SRGAP2C: variants seen among roughly 807,000 people sequenced by gnomAD.
SRGAP2C encodes SLIT-ROBO Rho GTPase activating protein 2C.
SRGAP2C carries 15 observed loss-of-function variants against 25.1 expected under a neutral mutation model. The ratio of observed to expected loss-of-function variants is 0.60; its 90% CI spans 0.40 to 0.92. SRGAP2C has a LOEUF of 0.92. Ranked by LOEUF, SRGAP2C falls within the 40% of genes least tolerant of loss-of-function variation. The pLI is 0.00. For missense variants in SRGAP2C, 144 were observed against 264.4 expected (o/e 0.54, Z 3.16); for synonymous variants, 44 against 96.6 (o/e 0.46, Z 3.19).
chr1:121,295,806 G>A (rs1657585859), intron 3 of SRGAP2C, among the ~76,000 whole-genome samples: 1 of 151,996 alleles, frequency 6.6e-6, no homozygotes, highest in South Asian at 2.1e-4. Context: ...TTGTTGCCCA[G>A]GCTGGAGTGC....
intron 3 of SRGAP2C, among the ~76,000 whole-genome samples, chr1:121,308,939 C>CAA (rs1282103321): frequency 6.5e-5 from 2 of 30,658 alleles, no homozygotes; most frequent in Non-Finnish European, 1.4e-4. Flanking sequence ...AACTCTGTCT[C>CAA]AAAAAAAAAA....
At chr1:121,271,199 A>T (rs2101547928) in intron 2 of SRGAP2C, among the ~76,000 whole-genome samples, 1 of 149,476 alleles carries the variant, frequency 6.7e-6, no homozygotes, top group Admixed American at 6.7e-5. Context: ...ATATAACAAC[A>T]TTGCCTTGTG....
At chr1:121,359,988 T>G (rs1188305304) in intron 4 of SRGAP2C, among the ~76,000 whole-genome samples, 17 of 152,100 alleles carry the variant, frequency 1.1e-4, no homozygotes, top group African/African-American at 3.6e-4. Context: ...GGATTGTAAA[T>G]GCACCAATCA....
intron 3 of SRGAP2C, among the ~76,000 whole-genome samples, chr1:121,303,565 T>A (rs1377941141): frequency 1.3e-5 from 2 of 150,578 alleles, no homozygotes; most frequent in South Asian, 4.2e-4. Context: ...AAATGGTATT[T>A]AGAAGCCATG....
At chr1:121,286,110 G>A (rs1404410011) in intron 3 of SRGAP2C, among the ~76,000 whole-genome samples, 2 of 152,012 alleles carry the variant, frequency 1.3e-5, no homozygotes, top group Admixed American at 1.3e-4. Context: ...GGACAAGCTT[G>A]GTCTACAGTT....
intron 2 of SRGAP2C, among the ~76,000 whole-genome samples, chr1:121,238,232 C>G (rs1553329053): frequency 6.7e-6 from 1 of 149,870 alleles, no homozygotes; most frequent in African/African-American, 2.5e-5. Flanking sequence ...TAGCCCCCAC[C>G]CAAGTTGCTT....
rs587644786 is a variant in SRGAP2C, at chr1:121,185,045, G to C, written c.-622G>C. 4 of 511,526 alleles carry C rather than the reference G, an allele frequency of 7.8e-6. 1 individual carries two copies. The African/African-American group carries it at 8.6e-5, about 11-fold the overall frequency. 31.7% of individuals were successfully genotyped at this position (511,526 alleles called of 1,614,324 possible). Reference sequence around the variant, plus strand: ...CTGGGGCACCGATCTGCGTAGAAACGGGTGGCGGGGAAGAGAGGGGAGGAG... The same window carrying C: ...CTGGGGCACCGATCTGCGTAGAAACCGGTGGCGGGGAAGAGAGGGGAGGAG... On this transcript the variant is annotated 5_prime_UTR_variant, in exon 1 of 10. Transcript: ENST00000367123.
chr1:121,222,806 T>A (rs1463243307), intron 2 of SRGAP2C, among the ~76,000 whole-genome samples: 1 of 152,010 alleles, frequency 6.6e-6, no homozygotes, highest in African/African-American at 2.4e-5. Context: ...TTTCTACCTC[T>A]GCTGGTTATA....
chr1:121,230,889 C>A (rs1371050925), intron 2 of SRGAP2C, among the ~76,000 whole-genome samples: 5 of 150,930 alleles, frequency 3.3e-5, no homozygotes, highest in Non-Finnish European at 7.4e-5. Flanking sequence ...TTTGCAGGGA[C>A]ATGGATGAAG....
chr1:121,306,854 A>G (rs1657852692), intron 3 of SRGAP2C, among the ~76,000 whole-genome samples: 1 of 152,174 alleles, frequency 6.6e-6, no homozygotes. Context: ...ATTTTATACT[A>G]CAAGCTGGAA....
In SRGAP2C at chr1:121,293,149, G is replaced by A. The variant is rs1553337882; in HGVS notation, c.260+8154G>A. Among the ~76,000 whole-genome samples, 186 of 130,206 alleles carry A rather than the reference G, an allele frequency of 1.4e-3. 4 individuals carry two copies. The highest frequency in any genetic ancestry group is 3.1e-3 in the African/African-American group (100 of 32,692). The allele number at this position is 130,206 out of a possible 152,430, so 85.4% of individuals were successfully genotyped here. A position where few individuals can be genotyped will look rare whatever the true frequency, so the allele number is the denominator to read the frequency against. On this transcript the variant is annotated intron_variant, in intron 3 of 9. Coordinates refer to ENST00000367123, the MANE Select transcript of SRGAP2C (RefSeq NM_001329984.2). ...AGAAGTTGTAGAAAGAAGGTGAAAA[G>A]ATGGGAAAGGAAGCATTTTAGATAG...
intron 4 of SRGAP2C, among the ~76,000 whole-genome samples, chr1:121,347,580 C>T (rs1308044461): frequency 1.3e-5 from 2 of 152,134 alleles, no homozygotes; most frequent in Non-Finnish European, 2.9e-5. Context: ...ACCCTGACCC[C>T]ATCTCAACTT....
At chr1:121,254,980 C>T (rs1399560071) in intron 2 of SRGAP2C, among the ~76,000 whole-genome samples, 1 of 148,760 alleles carries the variant, frequency 6.7e-6, no homozygotes, top group African/African-American at 2.4e-5. Flanking sequence ...TAAAATGGAA[C>T]CTCTTTGTTG....
chr1:121,282,290 G>A (rs1464474078), intron 2 of SRGAP2C, among the ~76,000 whole-genome samples: 1 of 114,586 alleles, frequency 8.7e-6, no homozygotes, highest in Non-Finnish European at 1.8e-5. Flanking sequence ...CTTGTTCCTT[G>A]GACAGGCTAA....
At chr1:121,279,672 A>G (rs1657197353) in intron 2 of SRGAP2C, among the ~76,000 whole-genome samples, 1 of 144,048 alleles carries the variant, frequency 6.9e-6, no homozygotes, top group Admixed American at 7.0e-5. Flanking sequence ...ATGGGCAAGG[A>G]GGCAGCATTT....
chr1:121,264,949 C>G (rs1553334049), intron 2 of SRGAP2C, among the ~76,000 whole-genome samples: 1 of 119,736 alleles, frequency 8.4e-6, no homozygotes, highest in East Asian at 2.4e-4. Context: ...ATAATCCCAG[C>G]ACTTTGGGAG....
intron 4 of SRGAP2C, among the ~76,000 whole-genome samples, chr1:121,335,822 G>C (rs1658503171): frequency 6.6e-6 from 1 of 150,624 alleles, no homozygotes; most frequent in South Asian, 2.1e-4. Context: ...TTTTCCTCTT[G>C]ACTTTTTTTT....
chr1:121,232,982 C>A (rs1397227440), intron 2 of SRGAP2C, among the ~76,000 whole-genome samples: 3 of 130,902 alleles, frequency 2.3e-5, no homozygotes, highest in African/African-American at 5.8e-5. Context: ...GCAGCAGCTG[C>A]ATTCTCCTTG....
At chr1:121,316,689 A>T (rs1658107017) in intron 3 of SRGAP2C, among the ~76,000 whole-genome samples, 1 of 88,180 alleles carries the variant, frequency 1.1e-5, no homozygotes, top group Admixed American at 1.3e-4. Flanking sequence ...CATTGATCAC[A>T]CCTTTGTTCT....
Sources: allele counts gnomAD v4.1 joint callset (sites outside exome capture counted in the v4.1 genomes callset), GRCh38; gene constraint gnomAD v4.1.1; transcripts MANE v1.5; gene names NCBI Gene and HGNC (gene_info 2026-07-23, HGNC 2026-07-21).